EPS15: variants seen among roughly 807,000 people sequenced by gnomAD.
EPS15 encodes epidermal growth factor receptor pathway substrate 15, also known as epidermal growth factor receptor substrate 15.
Under a neutral mutation model 113.8 loss-of-function variants are expected in EPS15, and 72 were observed. That is an observed-to-expected ratio of 0.63 (90% CI 0.52 to 0.77). EPS15 has a LOEUF of 0.77. Ranked by LOEUF, EPS15 falls within the 30% of genes least tolerant of loss-of-function variation. The probability of loss-of-function intolerance (pLI) is 0.00; values close to 1 mark genes in which losing one functional copy is unlikely to be tolerated. For missense variants in EPS15, 1,048 were observed against 1,045.8 expected (o/e 1.00, Z -0.03); for synonymous variants, 344 against 363.4 (o/e 0.95, Z 0.61).
chr1:51,404,162 C>A (rs755616755), intron 16 of EPS15, among the ~76,000 whole-genome samples: 1 of 152,028 alleles, frequency 6.6e-6, no homozygotes, highest in Non-Finnish European at 1.5e-5. Context: ...CTGGCTAACA[C>A]GGTGAAACCC....
intron 12 of EPS15, among the ~76,000 whole-genome samples, chr1:51,430,620 GT>G (rs2148461667): frequency 6.6e-6 from 1 of 151,176 alleles, no homozygotes; most frequent in Non-Finnish European, 1.5e-5. Flanking sequence ...TTAGGTTAAA[GT>G]TTGAGAACAA....
At position 51,363,937 on chromosome 1, in the gene EPS15, T is replaced by C; in HGVS notation, c.2288A>G (p.Lys763Arg). The C allele has an allele frequency of 2.5e-6, 4 of 1,614,034 alleles. No individual in the cohort carries two copies. The highest frequency in any genetic ancestry group is 2.5e-6 in the Non-Finnish European group (3 of 1,179,942). ...TKNVFEETSV[K>R]SEDEPPALPP... ...CAGTGCTGGGGGTTCATCTTCACTT[T>C]TGACCGATGTTTCCTCAAATACATT... Residue 763 changes from lysine (K) to arginine (R), a missense_variant, in exon 23 of 25, where the codon AAA becomes AGA. Physicochemically the swap from Lys to Arg is conservative, Grantham distance 26 (BLOSUM62 2). Coordinates refer to ENST00000371733, the MANE Select transcript of EPS15 (RefSeq NM_001981.3).
chr1:51,421,828 CT>C lies in EPS15; in HGVS notation c.1070del (p.Lys357ArgfsTer69). On this transcript the variant is annotated frameshift_variant, in exon 13 of 25. Coordinates refer to ENST00000371733, the MANE Select transcript of EPS15 (RefSeq NM_001981.3). LOFTEE classifies it high-confidence loss of function. ...REKNNVEQDLKEKEDTIKQRT... is the reference protein window; with the variant it reads ...REKNNVEQDLXEKEDTIKQRT... The stretch of plus-strand genomic sequence containing the variant: ...TCTGTTTAATAGTATCTTCCTTCTC[CT>C]TAAGGTCCTGTTCCACATTATTCTT... 1.2e-6 allele frequency: 2 copies of C among 1,609,826 alleles called. No homozygotes were observed. Among genetic ancestry groups the C allele is most frequent in the Non-Finnish European group, 1.7e-6 (2 of 1,177,636 alleles).
intron 20 of EPS15, among the ~76,000 whole-genome samples, chr1:51,395,755 C>T (rs758567180): frequency 1.3e-5 from 2 of 152,176 alleles, no homozygotes; most frequent in Non-Finnish European, 2.9e-5. Flanking sequence ...CTCTTTCTGG[C>T]ACCAGGCTCT....
Position 51,375,090 on chromosome 1 carries a change from C to T in EPS15, c.2120-9061G>A, listed in dbSNP as rs1646765110. 3.3e-5 allele frequency among the ~76,000 whole-genome samples: 5 copies of T among 149,278 alleles called. No homozygotes were observed. The South Asian group carries it at 1.1e-3, about 32-fold the overall frequency. ...GATCTTGGCTCACTGCAAGCTCTGC[C>T]TCCTCGGTTCACGCCATTCTCCTGC... On this transcript the variant is annotated intron_variant, in intron 21 of 24. Transcript: ENST00000371733.
chr1:51,457,590 A>G (rs1654110933), intron 8 of EPS15: 1 of 149,770 alleles, frequency 6.7e-6, no homozygotes, highest in African/African-American at 2.5e-5. Context: ...CTAAACATGA[A>G]ATTCATTTAT....
In EPS15 at chr1:51,465,266, C is replaced by T. The variant is rs139871931; in HGVS notation, c.370G>A (p.Val124Ile). 5 of 1,601,490 alleles carry T rather than the reference C, an allele frequency of 3.1e-6. No homozygotes were observed. The highest frequency in any genetic ancestry group is 4.3e-6 in the Non-Finnish European group (5 of 1,171,004). The change falls in exon 6 of 25, where the codon GTA becomes ATA. Residue 124 changes from valine to isoleucine, a missense_variant. By Grantham distance (29) the Val-to-Ile change is conservative. Coordinates refer to ENST00000371733, the MANE Select transcript of EPS15 (RefSeq NM_001981.3). ...TAGTTACAAAGTTTACTTACTTTTA[C>T]AGCCCATGGGAGCTCAGCTGCAGAG... ...GTSAAELPWAVKPEDKAKYDA... is the reference protein window; with the variant it reads ...GTSAAELPWAIKPEDKAKYDA...
chr1:51,423,562 G>A (rs958528511), intron 12 of EPS15: 11 of 985,134 alleles, frequency 1.1e-5, no homozygotes, highest in African/African-American at 1.7e-5. Context: ...TCCACACAAG[G>A]TCAGTATCAA....
Position 51,479,513 on chromosome 1 carries a change from G to A in EPS15, c.75+1760C>T, listed in dbSNP as rs536549524. 1.4e-4 allele frequency among the ~76,000 whole-genome samples: 21 copies of A among 152,256 alleles called. No homozygotes were observed. In the East Asian group the frequency reaches 3.7e-3, roughly 27 times the overall value. On this transcript the variant is annotated intron_variant, in intron 2 of 24. Transcript: ENST00000371733. Reference sequence around the variant, plus strand: ...TGTTCCATTGCTGGCGAGGAGCTCTGTTCCTTTGGAGGAGAAGAGGTGCTC... The same window carrying A: ...TGTTCCATTGCTGGCGAGGAGCTCTATTCCTTTGGAGGAGAAGAGGTGCTC...
chr1:51,484,552 A>G lies in EPS15; in HGVS notation c.34-3238T>C, dbSNP rs184671830. Among the ~76,000 whole-genome samples, 44 of 152,314 alleles carry G rather than the reference A, an allele frequency of 2.9e-4. 1 individual carries two copies. The East Asian group carries it at 5.6e-3, about 19-fold the overall frequency. The stretch of plus-strand genomic sequence containing the variant: ...TGGCCAAGTTATCAACTAGTAGTCT[A>G]TAAGTGCTTTCACCACATAAACAAG... On this transcript the variant is annotated intron_variant, in intron 1 of 24. Transcript: ENST00000371733.
At chr1:51,379,270 C>G (rs1329151251) in intron 21 of EPS15, among the ~76,000 whole-genome samples, 1 of 152,176 alleles carries the variant, frequency 6.6e-6, no homozygotes, top group Non-Finnish European at 1.5e-5. Flanking sequence ...CAGGCGCAAG[C>G]CACCACGCCC....
intron 11 of EPS15, among the ~76,000 whole-genome samples, chr1:51,441,483 C>T (rs1652592344): frequency 6.6e-6 from 1 of 152,006 alleles, no homozygotes; most frequent in Non-Finnish European, 1.5e-5. Flanking sequence ...AAAACTGAGG[C>T]CTGAACATTT....
At chr1:51,372,884 A>G in intron 21 of EPS15, 1 of 788,222 alleles carries the variant, frequency 1.3e-6, no homozygotes, top group South Asian at 1.6e-5. Flanking sequence ...GGATATCAGG[A>G]GCTACCTGGA....
At chr1:51,358,449 T>A (rs1221463544) in intron 24 of EPS15, among the ~76,000 whole-genome samples, 1 of 152,212 alleles carries the variant, frequency 6.6e-6, no homozygotes, top group Non-Finnish European at 1.5e-5. Context: ...AAAATTCTAA[T>A]TGGTTTCAAG....
intron 12 of EPS15, among the ~76,000 whole-genome samples, chr1:51,428,138 G>T (rs1177019013): frequency 6.6e-6 from 1 of 151,924 alleles, no homozygotes; most frequent in Non-Finnish European, 1.5e-5. Context: ...TTCTATACCT[G>T]ACAAAACTGT....
chr1:51,423,216 A>G (rs567451369), intron 12 of EPS15: 1 of 1,289,000 alleles, frequency 7.8e-7, no homozygotes, highest in African/African-American at 1.5e-5. Flanking sequence ...ACCGTTTGTC[A>G]GATGGGTCGC....
At chr1:51,480,365 T>C (rs972454300) in intron 2 of EPS15, among the ~76,000 whole-genome samples, 3 of 152,236 alleles carry the variant, frequency 2.0e-5, no homozygotes, top group Non-Finnish European at 4.4e-5. Context: ...CCTTGATGAC[T>C]TTCTTCTGTC....
intron 4 of EPS15, among the ~76,000 whole-genome samples, chr1:51,469,132 AAAC>A (rs1341694119): frequency 1.3e-5 from 2 of 152,316 alleles, no homozygotes; most frequent in African/African-American, 4.8e-5. Flanking sequence ...TGTCTCAAAA[AAAC>A]AGACAAACCA....
chr1:51,491,661 A>T (rs574107164), intron 1 of EPS15, among the ~76,000 whole-genome samples: 18 of 151,854 alleles, frequency 1.2e-4, no homozygotes, highest in African/African-American at 3.9e-4. Context: ...TAATAAGAGA[A>T]ATTTGAGAAA....
Sources: gnomAD v4.1 joint callset for allele counts (sites outside exome capture counted in the v4.1 genomes callset) on GRCh38, gnomAD v4.1.1 for gene constraint, MANE v1.5 for transcripts, NCBI Gene and HGNC (gene_info 2026-07-23, HGNC 2026-07-21) for gene names.